The following TMTC1 variants were observed in gnomAD, a reference collection of about 807,000 sequenced individuals.
TMTC1 encodes the protein transmembrane O-mannosyltransferase targeting cadherins 1, also known as protein O-mannosyl-transferase TMTC1.
A neutral mutation model predicts 104.8 loss-of-function variants in TMTC1; 73 were observed. The observed-to-expected ratio is 0.70, with a 90% CI of 0.58 to 0.85. The LOEUF (loss-of-function observed/expected upper bound fraction) is 0.85, where lower values mean the gene tolerates loss of function less well. Among genes scored for constraint, TMTC1 ranks in the 40% least tolerant of loss-of-function variants. TMTC1 has a pLI of 0.00. For synonymous variants in TMTC1, 434 were observed against 428.7 expected, an observed-to-expected ratio of 1.01 and a Z score of -0.15; for missense variants, 1,035 against 1,096.1, an observed-to-expected ratio of 0.94 and a Z score of 0.79.
At chr12:29,749,333 A>G (rs1408410834) in intron 5 of TMTC1, among the ~76,000 whole-genome samples, 2 of 152,090 alleles carry the variant, frequency 1.3e-5, no homozygotes, top group South Asian at 2.1e-4. Context: ...TGTTCCATCT[A>G]TGCTTAATTT....
At chr12:29,521,944 T>C (rs939485604) in intron 11 of TMTC1, among the ~76,000 whole-genome samples, 1 of 151,848 alleles carries the variant, frequency 6.6e-6, no homozygotes, top group African/African-American at 2.4e-5. Context: ...GTGAAATTAA[T>C]TAATCAAAGG....
intron 5 of TMTC1, among the ~76,000 whole-genome samples, chr12:29,703,181 C>T (rs1413553285): frequency 1.3e-5 from 2 of 150,196 alleles, no homozygotes; most frequent in African/African-American, 4.9e-5. Flanking sequence ...ATGACTTGTG[C>T]TTGGGGATAC....
In TMTC1 at chr12:29,607,370, A is replaced by G. The variant is rs151160226; in HGVS notation, c.1129-3071T>C. On this transcript the variant is annotated intron_variant, in intron 6 of 17. Coordinates refer to ENST00000539277, the MANE Select transcript of TMTC1 (RefSeq NM_001193451.2). ...ATAAATCAATTAAGTGAATAAATGT[A>G]TCAGGCAGGATACAGAGGAAAAAAC... Among the ~76,000 whole-genome samples the G allele has an allele frequency of 4.0e-3, 609 of 152,304 alleles. 7 individuals are homozygous for G. The highest frequency in any genetic ancestry group is 2.6e-3 in the Non-Finnish European group (179 of 68,020).
chr12:29,506,785 T>C lies in TMTC1; in HGVS notation c.*61A>G. On this transcript the variant is annotated 3_prime_UTR_variant, in exon 18 of 18. Transcript: ENST00000539277. Reference sequence around the variant, plus strand: ...GCCCCTGCTGATGTGAAAGCAAGGCTTCCATCACTCCCCTTTCAGAGGCAC... The same window carrying C: ...GCCCCTGCTGATGTGAAAGCAAGGCCTCCATCACTCCCCTTTCAGAGGCAC... 5.6e-6 allele frequency: 9 copies of C among 1,598,160 alleles called. No individual in the cohort carries two copies. In the South Asian group the frequency reaches 1.0e-4, roughly 18 times the overall value.
chr12:29,747,691 C>T lies in TMTC1; in HGVS notation c.938+3975G>A, dbSNP rs573634044. ...GCATCCTGGTGTTCAGAAACCCATA[C>T]GGGGAAAATAATATTCAGAATACTA... On this transcript the variant is annotated intron_variant, in intron 5 of 17. Coordinates refer to ENST00000539277, the MANE Select transcript of TMTC1 (RefSeq NM_001193451.2). 1.5e-4 allele frequency among the ~76,000 whole-genome samples: 23 copies of T among 152,256 alleles called. 1 individual carries two copies. Among genetic ancestry groups the T allele is most frequent in the Non-Finnish European group, 2.5e-4 (17 of 68,014 alleles).
intron 4 of TMTC1, 108 bp downstream of exon 4, chr12:29,755,601 G>T: frequency 2.2e-6 from 2 of 926,938 alleles, no homozygotes; most frequent in Non-Finnish European, 3.2e-6. Context: ...AAGGTGAGAT[G>T]ACATTTAATA....
intron 6 of TMTC1, among the ~76,000 whole-genome samples, chr12:29,614,536 C>G (rs918796393): frequency 1.3e-5 from 2 of 152,192 alleles, no homozygotes; most frequent in Non-Finnish European, 2.9e-5. Context: ...AGGATGGAAA[C>G]AAAGGTCCCT....
At chr12:29,661,072 C>T (rs10843470) in intron 5 of TMTC1, among the ~76,000 whole-genome samples, 26,900 of 151,872 alleles carry the variant, frequency 0.18, 2,607 homozygotes, top group Non-Finnish European at 0.23. Flanking sequence ...CAGGAGACCT[C>T]GGGCAAGTTT....
At chr12:29,514,120 T>A (rs2136139961) in intron 16 of TMTC1, among the ~76,000 whole-genome samples, 1 of 152,230 alleles carries the variant, frequency 6.6e-6, no homozygotes, top group East Asian at 1.9e-4. Context: ...AGAGGGCATT[T>A]CAAGGACATG....
At chr12:29,573,193 C>G (rs1383089423) in intron 8 of TMTC1, among the ~76,000 whole-genome samples, 4 of 152,108 alleles carry the variant, frequency 2.6e-5, no homozygotes, top group African/African-American at 4.8e-5. Context: ...CCCTTAGTTA[C>G]TCAACAATGG....
At chr12:29,570,666 A>C (rs910323984) in intron 9 of TMTC1, among the ~76,000 whole-genome samples, 2 of 152,138 alleles carry the variant, frequency 1.3e-5, no homozygotes, top group African/African-American at 4.8e-5. Context: ...CAACATGGTG[A>C]AACCTGGTCT....
chr12:29,738,776 T>G (rs77125148), intron 5 of TMTC1, among the ~76,000 whole-genome samples: 1 of 152,194 alleles, frequency 6.6e-6, no homozygotes, highest in Admixed American at 6.5e-5. Flanking sequence ...AAGACAATCA[T>G]CAATTGAGAA....
At position 29,563,243 on chromosome 12, in the gene TMTC1, A is replaced by G. The variant is rs554346953; in HGVS notation, c.1533-6243T>C. Among the ~76,000 whole-genome samples, 4 of 152,288 alleles carry G rather than the reference A, an allele frequency of 2.6e-5. No individual in the cohort carries two copies. In the East Asian group the frequency reaches 7.7e-4, roughly 29 times the overall value. ...AGTTTTTCCAATATGCTCAAGACCA[A>G]ATGGAATTCCAGACACGTGTAATTG... On this transcript the variant is annotated intron_variant, in intron 9 of 17. Transcript: ENST00000539277.
chr12:29,536,105 C>A, intron 11 of TMTC1, 104 bp downstream of exon 11: 1 of 782,500 alleles, frequency 1.3e-6, no homozygotes, highest in Non-Finnish European at 2.2e-6. Flanking sequence ...GATTGGTTGT[C>A]CAATATGGGT....
chr12:29,570,570 G>A (rs1197730471), intron 9 of TMTC1, among the ~76,000 whole-genome samples: 1 of 152,154 alleles, frequency 6.6e-6, no homozygotes, highest in African/African-American at 2.4e-5. Flanking sequence ...TAGGCCAGGT[G>A]TGGTGGCTCA....
intron 8 of TMTC1, 58 bp downstream of exon 8, chr12:29,583,349 C>G: frequency 6.5e-7 from 1 of 1,540,466 alleles, no homozygotes; most frequent in Non-Finnish European, 8.8e-7. Flanking sequence ...TGTTTGGAAA[C>G]AATTTGTAAG....
intron 5 of TMTC1, among the ~76,000 whole-genome samples, chr12:29,678,949 A>G (rs1306719001): frequency 6.6e-6 from 1 of 152,174 alleles, no homozygotes; most frequent in Admixed American, 6.5e-5. Flanking sequence ...AACCTAAAAC[A>G]TTTCTCCAAC....
chr12:29,514,888 CCTGTAA>C (rs952384937), intron 15 of TMTC1, among the ~76,000 whole-genome samples: 13 of 152,004 alleles, frequency 8.6e-5, no homozygotes, highest in Non-Finnish European at 1.8e-4. Flanking sequence ...GTGGTGCACA[CCTGTAA>C]TCCCGGCTAC....
chr12:29,597,196 T>C lies in TMTC1; in HGVS notation c.1250+6982A>G, dbSNP rs563780976. 3.3e-5 allele frequency among the ~76,000 whole-genome samples: 5 copies of C among 151,890 alleles called. No individual in the cohort carries two copies. The East Asian group carries it at 7.7e-4, about 23-fold the overall frequency. On this transcript the variant is annotated intron_variant, in intron 7 of 17. Transcript: ENST00000539277. Reference sequence around the variant, plus strand: ...AGTGGCTGCTTGTCCATGTGAACTTTTTTTTTCTTTTCTTTTCTTTTTCTT... The same window carrying C: ...AGTGGCTGCTTGTCCATGTGAACTTCTTTTTTCTTTTCTTTTCTTTTTCTT...
Sources: allele counts gnomAD v4.1 joint callset (sites outside exome capture counted in the v4.1 genomes callset), GRCh38; gene constraint gnomAD v4.1.1; transcripts MANE v1.5; gene names NCBI Gene and HGNC (gene_info 2026-07-23, HGNC 2026-07-21).